The following LIMS1 variants were observed in gnomAD, a reference collection of about 807,000 sequenced individuals.
LIMS1 encodes the protein LIM and senescent cell antigen-like-containing domain protein 1.
LIMS1 carries 18 observed loss-of-function variants against 44.1 expected under a neutral mutation model. The ratio of observed to expected loss-of-function variants is 0.41; its 90% CI spans 0.28 to 0.61. The LOEUF is 0.61. Ranked by LOEUF, LIMS1 falls within the 20% of genes least tolerant of loss-of-function variation. The pLI, the probability that LIMS1 is intolerant of heterozygous loss-of-function variation, is 0.32. For synonymous variants in LIMS1, 93 were observed against 149.1 expected (o/e 0.62, Z 2.74); for missense variants, 201 against 422.0 (o/e 0.48, Z 4.59).
chr2:108,683,648 C>T (rs759727449), intron 9 of LIMS1, among the ~76,000 whole-genome samples: 4 of 150,942 alleles, frequency 2.7e-5, no homozygotes, highest in Non-Finnish European at 5.9e-5. Context: ...GTCTGTGTTA[C>T]ACAGATGGAT....
intron 1 of LIMS1, among the ~76,000 whole-genome samples, chr2:108,634,592 G>A (rs2053261): frequency 2.0e-5 from 3 of 152,048 alleles, no homozygotes; most frequent in Admixed American, 2.0e-4. Context: ...TTGTCCTGGC[G>A]ACATCTCTGG....
chr2:108,600,891 T>TTCTTCTCTTCTCTTCTCTTC lies in LIMS1; in HGVS notation c.33-58689_33-58670dup, dbSNP rs150372618. Among the ~76,000 whole-genome samples the TTCTTCTCTTCTCTTCTCTTC allele has an allele frequency of 8.5e-3, 774 of 90,924 alleles. 6 individuals are homozygous for TTCTTCTCTTCTCTTCTCTTC. Among genetic ancestry groups the TTCTTCTCTTCTCTTCTCTTC allele is most frequent in the African/African-American group, 0.025 (673 of 27,238 alleles). The allele number at this position is 90,924 out of a possible 152,430, so 59.6% of individuals were successfully genotyped here. On this transcript the variant is annotated intron_variant, in intron 1 of 9. Coordinates refer to ENST00000544547, the Ensembl canonical transcript of LIMS1. ...TCCACATAAATTTTAGAATTGTTCGTTCTTCTCTTCTCTTCTCTTCTCTTC... is the reference window on the plus strand; with the variant it reads ...TCCACATAAATTTTAGAATTGTTCGTTCTTCTCTTCTCTTCTCTTCTCTTCTCTTCTCTTCTCTTCTCTTC...
chr2:108,663,893 T>G (rs1691561039), intron 2 of LIMS1, among the ~76,000 whole-genome samples: 1 of 152,070 alleles, frequency 6.6e-6, no homozygotes, highest in Non-Finnish European at 1.5e-5. Flanking sequence ...TAGCTGGGAT[T>G]ACAGGCAGGC....
At chr2:108,563,824 C>T (rs1174019746) in intron 1 of LIMS1, among the ~76,000 whole-genome samples, 1 of 151,902 alleles carries the variant, frequency 6.6e-6, no homozygotes, top group Non-Finnish European at 1.5e-5. Context: ...TTTGGGAGGC[C>T]AAGGTGGGAG....
At chr2:108,536,801 T>C (rs189480608) in intron 1 of LIMS1, among the ~76,000 whole-genome samples, 11 of 152,274 alleles carry the variant, frequency 7.2e-5, no homozygotes, top group African/African-American at 2.6e-4. Flanking sequence ...CAGGCTAGTC[T>C]GGGGGTCCCA....
intron 1 of LIMS1, among the ~76,000 whole-genome samples, chr2:108,645,391 C>T (rs904115640): frequency 2.0e-5 from 3 of 152,036 alleles, no homozygotes; most frequent in Admixed American, 6.6e-5. Context: ...TCCAGCCAAA[C>T]AAAGCTTCAT....
intron 1 of LIMS1, among the ~76,000 whole-genome samples, chr2:108,636,465 C>G (rs770990930): frequency 4.6e-5 from 7 of 152,176 alleles, no homozygotes; most frequent in Non-Finnish European, 7.3e-5. Flanking sequence ...GGAGCTTTGC[C>G]CAGGGAGCAG....
intron 1 of LIMS1, among the ~76,000 whole-genome samples, chr2:108,622,945 T>G (rs1573474908): frequency 6.6e-6 from 1 of 151,426 alleles, no homozygotes; most frequent in East Asian, 1.9e-4. Context: ...GTTATTTACA[T>G]AGTTACAATG....
chr2:108,554,925 G>A (rs914631213), intron 1 of LIMS1, among the ~76,000 whole-genome samples: 9 of 152,242 alleles, frequency 5.9e-5, no homozygotes, highest in Non-Finnish European at 8.8e-5. Flanking sequence ...TACCAAATCC[G>A]GATCTGTGTT....
intron 1 of LIMS1, among the ~76,000 whole-genome samples, chr2:108,568,375 C>T (rs959948606): frequency 6.6e-6 from 1 of 152,192 alleles, no homozygotes; most frequent in African/African-American, 2.4e-5. Context: ...AGATTTCCTT[C>T]GGGTTCATAG....
chr2:108,637,620 C>T (rs1689365920), intron 1 of LIMS1, among the ~76,000 whole-genome samples: 1 of 152,158 alleles, frequency 6.6e-6, no homozygotes, highest in Non-Finnish European at 1.5e-5. Flanking sequence ...AAAAATACTG[C>T]CATTCTGTAT....
At chr2:108,534,448 C>A in exon 1 of LIMS1, 2 of 840,028 alleles carry the variant, frequency 2.4e-6, no homozygotes, top group Middle Eastern at 4.9e-4. Flanking sequence ...GGCCTTCCTC[C>A]CCTTCCTGCT....
chr2:108,603,832 C>A (rs1426377921), intron 1 of LIMS1, among the ~76,000 whole-genome samples: 2 of 152,006 alleles, frequency 1.3e-5, no homozygotes, highest in African/African-American at 4.8e-5. Context: ...TTTAAAAAAA[C>A]TTTTTATTGA....
intron 1 of LIMS1, among the ~76,000 whole-genome samples, chr2:108,545,791 G>A (rs967688281): frequency 6.6e-6 from 1 of 152,194 alleles, no homozygotes; most frequent in African/African-American, 2.4e-5. Context: ...GAAAATGACA[G>A]AACTATTTTA....
intron 1 of LIMS1, among the ~76,000 whole-genome samples, chr2:108,635,572 G>T (rs1037376867): frequency 1.3e-5 from 2 of 152,000 alleles, no homozygotes; most frequent in African/African-American, 4.8e-5. Context: ...GTGGTGGTGG[G>T]TGCCTGTAAT....
intron 1 of LIMS1, among the ~76,000 whole-genome samples, chr2:108,620,847 C>T (rs1688195008): frequency 6.6e-6 from 1 of 152,032 alleles, no homozygotes; most frequent in African/African-American, 2.4e-5. Context: ...GAATTCTGCC[C>T]CTCCTCTCCT....
intron 1 of LIMS1, chr2:108,588,438 A>G: frequency 6.1e-6 from 6 of 985,530 alleles, no homozygotes; most frequent in Non-Finnish European, 6.0e-6. Flanking sequence ...AAGTTAAATA[A>G]GAGTAGGAGC....
At chr2:108,634,029 T>C (rs775896530) in intron 1 of LIMS1, among the ~76,000 whole-genome samples, 1 of 152,216 alleles carries the variant, frequency 6.6e-6, no homozygotes, top group Non-Finnish European at 1.5e-5. Flanking sequence ...AGATGGGGAC[T>C]GGATGCTGGC....
chr2:108,561,489 G>T (rs964960756), intron 1 of LIMS1, among the ~76,000 whole-genome samples: 2 of 152,092 alleles, frequency 1.3e-5, no homozygotes, highest in African/African-American at 4.8e-5. Context: ...GTGTGTTAGG[G>T]GTGGGGGTGT....
Sources: allele counts gnomAD v4.1 joint callset (sites outside exome capture counted in the v4.1 genomes callset), GRCh38; gene constraint gnomAD v4.1.1; transcripts MANE v1.5; gene names NCBI Gene and HGNC (gene_info 2026-07-23, HGNC 2026-07-21).